Variants in ANKMY2 observed in about 807,000 individuals in gnomAD.
The protein encoded by ANKMY2 is ankyrin repeat and MYND domain-containing protein 2.
Under a neutral mutation model 50.4 loss-of-function variants are expected in ANKMY2, and 36 were observed. The observed-to-expected ratio is 0.71, with a 90% confidence interval of 0.55 to 0.94. The LOEUF is 0.94. ANKMY2 is among the 40% of genes least tolerant of loss of function. The pLI is 0.00. For missense variants in ANKMY2, 565 were observed against 524.0 expected (o/e 1.08, Z -0.76); for synonymous variants, 187 against 178.8 (o/e 1.05, Z -0.36).
chr7:16,611,527 A>C (rs1781251116), intron 5 of ANKMY2, among the ~76,000 whole-genome samples: 2 of 152,212 alleles, frequency 1.3e-5, no homozygotes, highest in African/African-American at 4.8e-5. Context: ...ACTGCTGTAA[A>C]TATCCATGGT....
chr7:16,618,468 A>G (rs1781389501), intron 4 of ANKMY2, among the ~76,000 whole-genome samples: 1 of 152,202 alleles, frequency 6.6e-6, no homozygotes, highest in Non-Finnish European at 1.5e-5. Flanking sequence ...ACAAATGATA[A>G]AAGAAAACTT....
rs529634521 is a variant in ANKMY2 at position 16,609,862 on chromosome 7, T to C, written c.747-97A>G. ...TTTTAGTAGTTTCTTCTGTTACTTA[T>C]GATTTTCTTTGTCTCTTCAAATCAT... On this transcript the variant is annotated intron_variant, in intron 6 of 9. Coordinates refer to ENST00000306999, the MANE Select transcript of ANKMY2 (RefSeq NM_020319.3). 8 of 1,407,206 alleles carry C rather than the reference T, an allele frequency of 5.7e-6. No individual in the cohort carries two copies. In the African/African-American group the frequency reaches 8.8e-5, roughly 16 times the overall value. The allele number at this position is 1,407,206 out of a possible 1,614,324, so 87.2% of individuals were successfully genotyped here.
chr7:16,609,213 T>C (rs546336409), intron 7 of ANKMY2, among the ~76,000 whole-genome samples: 1 of 152,300 alleles, frequency 6.6e-6, no homozygotes, highest in Admixed American at 6.5e-5. Context: ...AGCCTTCCCA[T>C]GGCTTATCCC....
intron 4 of ANKMY2, among the ~76,000 whole-genome samples, chr7:16,616,760 G>A (rs575521636): frequency 3.2e-4 from 49 of 152,382 alleles, no homozygotes; most frequent in African/African-American, 1.2e-3. Context: ...CGCCTGGGGA[G>A]AGCGTGCAGA....
At chr7:16,602,615 T>C in intron 8 of ANKMY2, 106 bp from the exon 9 acceptor site, 1 of 1,380,558 alleles carries the variant, frequency 7.2e-7, no homozygotes, top group Non-Finnish European at 9.8e-7. Flanking sequence ...TTTTCCATAC[T>C]TTATTTTAAA....
chr7:16,606,304 C>T lies in ANKMY2; in HGVS notation c.883-1455G>A, dbSNP rs546705544. On this transcript the variant is annotated intron_variant, in intron 7 of 9. Coordinates refer to ENST00000306999, the MANE Select transcript of ANKMY2 (RefSeq NM_020319.3). ...AAATTAGCCAGGCATGGTGGCACGC[C>T]TGTAGTCCCAGCTACTTGGGAGGCT... is the stretch of plus-strand genomic sequence containing the variant. Among the ~76,000 whole-genome samples, 3 of 152,192 alleles carry T rather than the reference C, an allele frequency of 2.0e-5. No homozygotes were observed. In the South Asian group the frequency reaches 6.2e-4, roughly 32 times the overall value.
At chr7:16,602,240 A>G in intron 9 of ANKMY2, 140 bp downstream of exon 9, 12 of 1,030,346 alleles carry the variant, frequency 1.2e-5, no homozygotes, top group Non-Finnish European at 1.7e-5. Context: ...GGGACACATT[A>G]AAATTTAAAT....
At chr7:16,614,800 T>C (rs189970262) in intron 5 of ANKMY2, among the ~76,000 whole-genome samples, 1 of 152,340 alleles carries the variant, frequency 6.6e-6, no homozygotes, top group East Asian at 1.9e-4. Flanking sequence ...CAACTTAGTA[T>C]CTTGCTCACT....
intron 4 of ANKMY2, among the ~76,000 whole-genome samples, chr7:16,617,379 C>G (rs925236680): frequency 1.3e-5 from 2 of 151,986 alleles, no homozygotes; most frequent in Non-Finnish European, 2.9e-5. Context: ...GATCCAGGAC[C>G]CTATCAGCTT....
intron 5 of ANKMY2, among the ~76,000 whole-genome samples, chr7:16,613,230 A>T (rs1781285566): frequency 6.6e-6 from 1 of 152,214 alleles, no homozygotes; most frequent in Admixed American, 6.5e-5. Flanking sequence ...CTTAATCTAG[A>T]CACAAATACA....
intron 4 of ANKMY2, among the ~76,000 whole-genome samples, chr7:16,619,231 G>A (rs1260143138): frequency 6.7e-6 from 1 of 149,580 alleles, no homozygotes; most frequent in Non-Finnish European, 1.5e-5. Context: ...TTGGCTCACC[G>A]CAACCTCCGC....
intron 5 of ANKMY2, among the ~76,000 whole-genome samples, chr7:16,613,866 G>A (rs1772452185): frequency 6.8e-6 from 1 of 146,536 alleles, no homozygotes; most frequent in Non-Finnish European, 1.5e-5. Flanking sequence ...AACCTGGAAG[G>A]CCGAGATCTG....
At chr7:16,641,295 A>C (rs1261967401) in intron 1 of ANKMY2, among the ~76,000 whole-genome samples, 2 of 152,180 alleles carry the variant, frequency 1.3e-5, no homozygotes, top group African/African-American at 2.4e-5. Flanking sequence ...TGCATTTTGA[A>C]ATCGTGAATT....
At chr7:16,602,571 T>C in intron 8 of ANKMY2, 62 bp from the exon 9 acceptor site, 3 of 1,554,266 alleles carry the variant, frequency 1.9e-6, no homozygotes, top group Non-Finnish European at 2.6e-6. Flanking sequence ...TTCCTAACTA[T>C]GACTAAACCA....
intron 2 of ANKMY2, among the ~76,000 whole-genome samples, chr7:16,630,729 A>C (rs892890493): frequency 6.6e-6 from 1 of 152,216 alleles, no homozygotes; most frequent in African/African-American, 2.4e-5. Flanking sequence ...TGCTGGAAGA[A>C]AATAACATTA....
intron 5 of ANKMY2, among the ~76,000 whole-genome samples, chr7:16,613,826 C>T (rs1781296180): frequency 6.6e-6 from 1 of 151,146 alleles, no homozygotes. Flanking sequence ...ATCCCAGCTA[C>T]TCAGGAGGCT....
At chr7:16,637,507 G>A (rs1781681768) in intron 1 of ANKMY2, among the ~76,000 whole-genome samples, 1 of 145,602 alleles carries the variant, frequency 6.9e-6, no homozygotes, top group Non-Finnish European at 1.5e-5. Context: ...AATGTCAAGT[G>A]AATGATCTAC....
chr7:16,632,778 T>C (rs925974708), intron 2 of ANKMY2, among the ~76,000 whole-genome samples: 4 of 152,218 alleles, frequency 2.6e-5, no homozygotes, highest in African/African-American at 9.6e-5. Flanking sequence ...ATATATAGGA[T>C]TTCTGGGTCA....
At position 16,615,731 on chromosome 7, in the gene ANKMY2, G is replaced by C. The variant is rs1340525144; in HGVS notation, c.531+13C>G. On this transcript the variant is annotated intron_variant, in intron 5 of 9. Coordinates refer to ENST00000306999, the MANE Select transcript of ANKMY2 (RefSeq NM_020319.3). ...ATTTACATAAAAAGCAAATACGGTA[G>C]ACACCACACTACCTTGACAGGATGA... 1 of 1,613,978 alleles carries C rather than the reference G, an allele frequency of 6.2e-7. No homozygotes were observed. The highest frequency in any genetic ancestry group is 8.5e-7 in the Non-Finnish European group (1 of 1,179,986).
Sources: gnomAD v4.1 joint callset for allele counts (sites outside exome capture counted in the v4.1 genomes callset) on GRCh38, gnomAD v4.1.1 for gene constraint, MANE v1.5 for transcripts, NCBI Gene and HGNC (gene_info 2026-07-23, HGNC 2026-07-21) for gene names.